CTNNA2: variants seen among roughly 807,000 people sequenced by gnomAD.
The protein encoded by CTNNA2 is catenin alpha-2.
In CTNNA2, 42 loss-of-function variants were observed where a neutral mutation model predicts 101.0. The observed-to-expected ratio is 0.42, with a 90% CI of 0.32 to 0.54. CTNNA2 has a LOEUF of 0.54. CTNNA2 is among the 20% of genes least tolerant of loss of function. The probability of loss-of-function intolerance (pLI) is 0.14; values close to 1 mark genes in which losing one functional copy is unlikely to be tolerated. For synonymous variants in CTNNA2, 450 were observed against 456.4 expected, an observed-to-expected ratio of 0.99 and a Z score of 0.18; for missense variants, 871 against 1,223.1, an observed-to-expected ratio of 0.71 and a Z score of 4.29.
chr2:79,318,213 T>A (rs2104406523), intron 3 of CTNNA2, among the ~76,000 whole-genome samples: 1 of 152,290 alleles, frequency 6.6e-6, no homozygotes, highest in East Asian at 1.9e-4. Flanking sequence ...AATGCATATA[T>A]ACCCACATGT....
chr2:80,140,364 C>G (rs1469309517), intron 7 of CTNNA2, among the ~76,000 whole-genome samples: 2 of 152,136 alleles, frequency 1.3e-5, no homozygotes, highest in African/African-American at 4.8e-5. Context: ...TCGGGCATGC[C>G]ATGACCTTGC....
At chr2:79,621,887 A>G (rs938793646) in intron 1 of CTNNA2, among the ~76,000 whole-genome samples, 3 of 152,200 alleles carry the variant, frequency 2.0e-5, no homozygotes, top group Admixed American at 1.3e-4. Flanking sequence ...CAGTATAACC[A>G]TGAGAAAACT....
chr2:80,173,200 C>G (rs1055581895), intron 7 of CTNNA2, among the ~76,000 whole-genome samples: 4 of 152,198 alleles, frequency 2.6e-5, no homozygotes, highest in African/African-American at 7.2e-5. Context: ...GTTCTGGATT[C>G]TGAACCTACC....
chr2:79,798,836 C>A (rs1419721479), intron 3 of CTNNA2, among the ~76,000 whole-genome samples: 1 of 152,022 alleles, frequency 6.6e-6, no homozygotes, highest in Non-Finnish European at 1.5e-5. Flanking sequence ...GGAAATTCTC[C>A]CCAGGAGAGT....
intron 4 of CTNNA2, among the ~76,000 whole-genome samples, chr2:79,422,835 C>T (rs989085736): frequency 3.9e-5 from 6 of 152,022 alleles, no homozygotes; most frequent in African/African-American, 1.2e-4. Flanking sequence ...AAGATAAATC[C>T]GCAGAATTTA....
chr2:80,079,769 G>C (rs546905031), intron 7 of CTNNA2, among the ~76,000 whole-genome samples: 4,906 of 149,882 alleles, frequency 0.033, 272 homozygotes, highest in African/African-American at 0.11. Context: ...AGCCGGGATT[G>C]CGCCACTGCA....
chr2:79,692,695 T>C (rs934805363), intron 2 of CTNNA2, among the ~76,000 whole-genome samples: 2 of 151,790 alleles, frequency 1.3e-5, no homozygotes, highest in African/African-American at 4.8e-5. Context: ...TATACAGCCA[T>C]AAAAAGGGTG....
At chr2:80,612,926 A>C (rs1456727901) in intron 17 of CTNNA2, 1 of 151,532 alleles carries the variant, frequency 6.6e-6, no homozygotes, top group Non-Finnish European at 1.5e-5. Flanking sequence ...GCAGTTCAAA[A>C]TAATTTTATC....
At chr2:79,781,743 A>G (rs1382503428) in intron 3 of CTNNA2, among the ~76,000 whole-genome samples, 1 of 152,170 alleles carries the variant, frequency 6.6e-6, no homozygotes, top group Non-Finnish European at 1.5e-5. Flanking sequence ...ATTATATGTA[A>G]AACTGATGAT....
At chr2:80,356,827 T>A (rs1172204851) in intron 7 of CTNNA2, among the ~76,000 whole-genome samples, 2 of 152,198 alleles carry the variant, frequency 1.3e-5, no homozygotes, top group Non-Finnish European at 2.9e-5. Flanking sequence ...TCAACTAGTT[T>A]GAAAGCACTT....
intron 7 of CTNNA2, among the ~76,000 whole-genome samples, chr2:80,016,348 G>C (rs556656526): frequency 6.6e-6 from 1 of 152,108 alleles, no homozygotes; most frequent in East Asian, 1.9e-4. Flanking sequence ...GGGTCAATAC[G>C]GAGTGCCAGG....
intron 7 of CTNNA2, among the ~76,000 whole-genome samples, chr2:79,980,129 C>CT (rs1691153068): frequency 6.6e-6 from 1 of 152,112 alleles, no homozygotes; most frequent in Non-Finnish European, 1.5e-5. Context: ...ATCCTAATTT[C>CT]TTTTTCTTCT....
At chr2:80,368,210 A>T (rs1675112684) in intron 7 of CTNNA2, among the ~76,000 whole-genome samples, 1 of 152,130 alleles carries the variant, frequency 6.6e-6, no homozygotes, top group Non-Finnish European at 1.5e-5. Context: ...TACCATTTTT[A>T]GACTTTCAGC....
chr2:79,723,641 A>G (rs893373220), intron 2 of CTNNA2, among the ~76,000 whole-genome samples: 6 of 152,200 alleles, frequency 3.9e-5, no homozygotes, highest in Non-Finnish European at 8.8e-5. Flanking sequence ...ATCAGTAAGC[A>G]TTCTGAAACA....
rs189672000 is a variant in CTNNA2 at position 80,419,671 on chromosome 2, T to C, written c.1290+70T>C. On this transcript the variant is annotated intron_variant, in intron 9 of 18. Transcript: ENST00000402739. ...AATCTCTGCATATGGCTCTTAGAAT[T>C]TCACTAGAGAGATATTCTATTGTAT... is the stretch of plus-strand genomic sequence containing the variant. 4.2e-6 allele frequency: 6 copies of C among 1,438,518 alleles called. No individual in the cohort carries two copies. The Admixed American group carries it at 8.0e-5, about 19-fold the overall frequency. 89.1% of individuals were successfully genotyped at this position (1,438,518 alleles called of 1,614,324 possible).
chr2:79,514,223 T>C (rs1213024402), intron 1 of CTNNA2, among the ~76,000 whole-genome samples: 1 of 152,232 alleles, frequency 6.6e-6, no homozygotes, highest in Non-Finnish European at 1.5e-5. Flanking sequence ...CTTTTGTTCA[T>C]CATGGGTTAA....
chr2:79,753,106 T>C (rs1182275261), intron 3 of CTNNA2, among the ~76,000 whole-genome samples: 3 of 152,230 alleles, frequency 2.0e-5, no homozygotes, highest in Non-Finnish European at 4.4e-5. Flanking sequence ...CTATTTTTTG[T>C]CTGTTACTGC....
At chr2:80,100,479 C>A (rs1700474205) in intron 7 of CTNNA2, among the ~76,000 whole-genome samples, 1 of 152,200 alleles carries the variant, frequency 6.6e-6, no homozygotes, top group Non-Finnish European at 1.5e-5. Flanking sequence ...TCCTTCAAGT[C>A]TTGGTATCTT....
At chr2:79,269,760 C>G (rs148361207) in intron 2 of CTNNA2, among the ~76,000 whole-genome samples, 2 of 152,094 alleles carry the variant, frequency 1.3e-5, no homozygotes, top group African/African-American at 4.8e-5. Flanking sequence ...ATTGTATGCA[C>G]TACTATCAAG....
Sources: gnomAD v4.1 joint callset for allele counts (sites outside exome capture counted in the v4.1 genomes callset) on GRCh38, gnomAD v4.1.1 for gene constraint, MANE v1.5 for transcripts, NCBI Gene and HGNC (gene_info 2026-07-23, HGNC 2026-07-21) for gene names.